Variants in EXOC6B observed in about 807,000 individuals in gnomAD.
The protein encoded by EXOC6B is SEC15 homolog B.
A neutral mutation model predicts 113.5 loss-of-function variants in EXOC6B; 54 were observed. The ratio of observed to expected loss-of-function variants is 0.48; its 90% CI spans 0.38 to 0.60. The LOEUF is 0.60. Among genes scored for constraint, EXOC6B ranks in the 20% least tolerant of loss-of-function variants. The pLI, the probability that EXOC6B is intolerant of heterozygous loss-of-function variation, is 0.00. For synonymous variants in EXOC6B, 357 were observed against 339.0 expected (o/e 1.05, Z -0.58); for missense variants, 797 against 977.5 (o/e 0.82, Z 2.46).
In EXOC6B at chr2:72,733,110, C is replaced by G; in HGVS notation, c.288G>C (p.Val96=). 1.3e-6 allele frequency: 2 copies of G among 1,591,148 alleles called. No individual in the cohort carries two copies. Among genetic ancestry groups the G allele is most frequent in the Non-Finnish European group, 1.7e-6 (2 of 1,166,214 alleles). Residue 96 remains valine (V), a synonymous_variant, in exon 3 of 22, where the codon GTG becomes GTC. Coordinates refer to ENST00000272427, the MANE Select transcript of EXOC6B (RefSeq NM_015189.3). Reference sequence around the variant, plus strand: ...GTTGTAGTTTTCTATTAGTATCCGTCACTTGATTCTGTGGAGAGAAGACAA... The same window carrying G: ...GTTGTAGTTTTCTATTAGTATCCGTGACTTGATTCTGTGGAGAGAAGACAA... ...RGEAQKLKNQ[V]TDTNRKLQHE...
chr2:72,596,066 A>C (rs1670063147), intron 6 of EXOC6B, among the ~76,000 whole-genome samples: 1 of 152,194 alleles, frequency 6.6e-6, no homozygotes, highest in Non-Finnish European at 1.5e-5. Context: ...AAAAGACAAG[A>C]GGTCTGGTGA....
chr2:72,642,006 G>T (rs539427948), intron 6 of EXOC6B, among the ~76,000 whole-genome samples: 3 of 152,338 alleles, frequency 2.0e-5, no homozygotes, highest in African/African-American at 7.2e-5. Flanking sequence ...CTGACTGTTA[G>T]AAGGAAAACT....
intron 16 of EXOC6B, among the ~76,000 whole-genome samples, chr2:72,489,440 T>TC (rs1699618292): frequency 6.6e-6 from 1 of 152,310 alleles, no homozygotes; most frequent in East Asian, 1.9e-4. Flanking sequence ...ATTAAAAAAC[T>TC]CCATTTCTAT....
rs74390305 is a variant in EXOC6B at position 72,772,955 on chromosome 2, G to A, written c.114-31486C>T. On this transcript the variant is annotated intron_variant, in intron 1 of 21. Coordinates refer to ENST00000272427, the MANE Select transcript of EXOC6B (RefSeq NM_015189.3). The stretch of plus-strand genomic sequence containing the variant: ...CAGCCCTAAAGAAATGAAGATCTAC[G>A]AACTGTCTGAAAAAGATTTCAAAAT... 6.4e-3 allele frequency among the ~76,000 whole-genome samples: 976 copies of A among 151,760 alleles called. 4 individuals carry two copies. Among genetic ancestry groups the A allele is most frequent in the Middle Eastern group, 0.02 (6 of 294 alleles).
At chr2:72,417,740 A>G (rs1694617847) in intron 18 of EXOC6B, among the ~76,000 whole-genome samples, 2 of 152,168 alleles carry the variant, frequency 1.3e-5, no homozygotes, top group Admixed American at 6.5e-5. Flanking sequence ...GTACATTTTT[A>G]TGGTATGATA....
intron 1 of EXOC6B, among the ~76,000 whole-genome samples, chr2:72,798,171 C>A (rs900770760): frequency 6.6e-6 from 1 of 152,002 alleles, no homozygotes; most frequent in African/African-American, 2.4e-5. Context: ...AATAAGAACA[C>A]CTACAAAGAC....
chr2:72,779,031 C>T (rs999965241), intron 1 of EXOC6B, among the ~76,000 whole-genome samples: 5 of 151,778 alleles, frequency 3.3e-5, no homozygotes, highest in African/African-American at 1.2e-4. Context: ...TTTATAAAAA[C>T]AATAGCTCAT....
chr2:72,292,535 T>TTGTG (rs142332997), intron 20 of EXOC6B, among the ~76,000 whole-genome samples: 63 of 134,140 alleles, frequency 4.7e-4, no homozygotes, highest in Middle Eastern at 5.1e-3. Context: ...CATGCACGCT[T>TTGTG]TGTGTGTGTG....
At chr2:72,263,937 A>AGC (rs1559072732) in intron 20 of EXOC6B, among the ~76,000 whole-genome samples, 5 of 152,046 alleles carry the variant, frequency 3.3e-5, no homozygotes, top group African/African-American at 4.8e-5. Context: ...AGCCAGCCAG[A>AGC]CAGGCAGGCA....
chr2:72,217,382 C>G (rs1236812969), intron 20 of EXOC6B, among the ~76,000 whole-genome samples: 1 of 152,134 alleles, frequency 6.6e-6, no homozygotes, highest in Non-Finnish European at 1.5e-5. Flanking sequence ...AGTCAGACTT[C>G]TAAACTCAGT....
At chr2:72,325,522 G>T (rs1688079952) in intron 20 of EXOC6B, among the ~76,000 whole-genome samples, 2 of 151,792 alleles carry the variant, frequency 1.3e-5, no homozygotes, top group African/African-American at 2.4e-5. Flanking sequence ...CCAAAAGGTT[G>T]TCAGAACTGC....
At chr2:72,705,257 C>G (rs1678769519) in intron 6 of EXOC6B, among the ~76,000 whole-genome samples, 1 of 152,076 alleles carries the variant, frequency 6.6e-6, no homozygotes, top group Admixed American at 6.5e-5. Flanking sequence ...GCAGAAAAAG[C>G]CTTTGACAAA....
intron 8 of EXOC6B, among the ~76,000 whole-genome samples, chr2:72,541,651 C>CT (rs1320881606): frequency 1.3e-5 from 2 of 152,128 alleles, no homozygotes; most frequent in Admixed American, 1.3e-4. Context: ...AGTTCCTAGT[C>CT]TTTTTCCTTT....
chr2:72,475,079 G>T (rs1208069022), intron 17 of EXOC6B, among the ~76,000 whole-genome samples: 1 of 152,130 alleles, frequency 6.6e-6, no homozygotes, highest in Non-Finnish European at 1.5e-5. Context: ...ATGAGGCTGT[G>T]GTTTTGCTGG....
At chr2:72,264,067 T>C (rs1024046051) in intron 20 of EXOC6B, among the ~76,000 whole-genome samples, 1 of 152,136 alleles carries the variant, frequency 6.6e-6, no homozygotes, top group Non-Finnish European at 1.5e-5. Context: ...TACACCTAAG[T>C]GTATAAAAAA....
At chr2:72,224,373 A>AT (rs1681065594) in intron 20 of EXOC6B, among the ~76,000 whole-genome samples, 1 of 152,214 alleles carries the variant, frequency 6.6e-6, no homozygotes, top group South Asian at 2.1e-4. Context: ...TTTCACTCAT[A>AT]AACATTTACC....
chr2:72,673,695 T>C (rs1407988062), intron 6 of EXOC6B, among the ~76,000 whole-genome samples: 1 of 151,544 alleles, frequency 6.6e-6, no homozygotes, highest in East Asian at 1.9e-4. Flanking sequence ...TTCCTTTCTT[T>C]TACCTTACCT....
chr2:72,253,244 G>A lies in EXOC6B; in HGVS notation c.2197-69057C>T, dbSNP rs2104553986. 1.3e-5 allele frequency among the ~76,000 whole-genome samples: 2 copies of A among 152,304 alleles called. 1 individual carries two copies. The highest frequency in any genetic ancestry group is 4.1e-4 in the South Asian group (2 of 4,830). On this transcript the variant is annotated intron_variant, in intron 20 of 21. Coordinates refer to ENST00000272427, the MANE Select transcript of EXOC6B (RefSeq NM_015189.3). Reference sequence around the variant, plus strand: ...AAAAGGAAATGCTTATACACTGCTGGTGGGAATGTAAATTAGTTCAGCCAC... The same window carrying A: ...AAAAGGAAATGCTTATACACTGCTGATGGGAATGTAAATTAGTTCAGCCAC...
rs965465510 is a variant in EXOC6B, at chr2:72,176,341, G to T, written c.*2994C>A. 6.6e-6 allele frequency: 1 copy of T among 152,146 alleles called. No homozygotes were observed. The highest frequency in any genetic ancestry group is 2.4e-5 in the African/African-American group (1 of 41,434). 9.4% of individuals were successfully genotyped at this position (152,146 alleles called of 1,614,324 possible). On this transcript the variant is annotated 3_prime_UTR_variant, in exon 22 of 22. Coordinates refer to ENST00000272427, the MANE Select transcript of EXOC6B (RefSeq NM_015189.3). ...AAGAGAGGAGTCCTGGGAGAAGGGA[G>T]GCTAAGGTAGGGGAATTTCTGCAGC...
Sources: allele counts gnomAD v4.1 joint callset (sites outside exome capture counted in the v4.1 genomes callset), GRCh38; gene constraint gnomAD v4.1.1; transcripts MANE v1.5; gene names NCBI Gene and HGNC (gene_info 2026-07-23, HGNC 2026-07-21).